NCBP3: variants seen among roughly 807,000 people sequenced by gnomAD.
NCBP3 encodes nuclear cap binding subunit 3, also known as nuclear cap-binding protein subunit 3.
NCBP3 carries 20 observed loss-of-function variants against 75.7 expected under a neutral mutation model. The observed-to-expected ratio is 0.26, with a 90% CI of 0.19 to 0.38. The LOEUF is 0.38. Ranked by LOEUF, NCBP3 falls within the 10% of genes least tolerant of loss-of-function variation. The pLI, the probability that NCBP3 is intolerant of heterozygous loss-of-function variation, is 1.00. For synonymous variants in NCBP3, 293 were observed against 290.5 expected, an observed-to-expected ratio of 1.01 and a Z score of -0.09; for missense variants, 678 against 796.9, an observed-to-expected ratio of 0.85 and a Z score of 1.80.
At chr17:3,836,222 G>C (rs1217631217) in intron 3 of NCBP3, among the ~76,000 whole-genome samples, 1 of 152,166 alleles carries the variant, frequency 6.6e-6, no homozygotes, top group Non-Finnish European at 1.5e-5. Flanking sequence ...CAAGAAGCTA[G>C]GTCACTTAAA....
At position 3,802,472 on chromosome 17, in the gene NCBP3, G is replaced by A. The variant is rs978510903; in HGVS notation, c.*10572C>T. 9 of 152,178 alleles carry A rather than the reference G, an allele frequency of 5.9e-5. No individual in the cohort carries two copies. The highest frequency in any genetic ancestry group is 1.2e-4 in the African/African-American group (5 of 41,448). 9.4% of individuals were successfully genotyped at this position (152,178 alleles called of 1,614,324 possible). On this transcript the variant is annotated 3_prime_UTR_variant, in exon 13 of 13. Coordinates refer to ENST00000389005, the MANE Select transcript of NCBP3 (RefSeq NM_001114118.3). ...CGGTTATGTGAGATTACAATTCACC[G>A]GTTTCCATCCTGTATGAAACAGAAG...
At chr17:3,824,444 G>A (rs2053741669) in intron 7 of NCBP3, 3 of 151,260 alleles carry the variant, frequency 2.0e-5, no homozygotes, top group South Asian at 2.1e-4. Flanking sequence ...ACATACACAT[G>A]CATACATACA....
intron 3 of NCBP3, among the ~76,000 whole-genome samples, chr17:3,839,486 T>C (rs1444773921): frequency 6.6e-6 from 1 of 152,172 alleles, no homozygotes; most frequent in Non-Finnish European, 1.5e-5. Flanking sequence ...TAGCTGAGAT[T>C]ACAGGCGCCA....
At position 3,812,367 on chromosome 17, in the gene NCBP3, G is replaced by T; in HGVS notation, c.*677C>A. On this transcript the variant is annotated 3_prime_UTR_variant, in exon 13 of 13. Coordinates refer to ENST00000389005, the MANE Select transcript of NCBP3 (RefSeq NM_001114118.3). ...CCAAATCCAGACGTCACAGTTTTTTGTTCCTAAAAATCCCACAGCACTGAA... is the reference window on the plus strand; with the variant it reads ...CCAAATCCAGACGTCACAGTTTTTTTTTCCTAAAAATCCCACAGCACTGAA... The T allele has an allele frequency of 2.9e-6, 1 of 339,406 alleles. No individual in the cohort carries two copies. Among genetic ancestry groups the T allele is most frequent in the Non-Finnish European group, 4.2e-6 (1 of 238,808 alleles). 21.0% of individuals were successfully genotyped at this position (339,406 alleles called of 1,614,324 possible). A position where few individuals can be genotyped will look rare whatever the true frequency, so the allele number is the denominator to read the frequency against.
In NCBP3 at chr17:3,813,825, G is replaced by A. The variant is rs569288947; in HGVS notation, c.1627+497C>T. Among the ~76,000 whole-genome samples, 8 of 151,938 alleles carry A rather than the reference G, an allele frequency of 5.3e-5. No homozygotes were observed. The East Asian group carries it at 1.4e-3, about 26-fold the overall frequency. ...GGTGCAGGCGCCCACCACCACGCCC[G>A]GCTCATTTTTGTGTTTTTAGTAGAG... On this transcript the variant is annotated intron_variant, in intron 12 of 12. Coordinates refer to ENST00000389005, the MANE Select transcript of NCBP3 (RefSeq NM_001114118.3).
Position 3,832,377 on chromosome 17 carries a change from T to G in NCBP3, c.356-3009A>C, listed in dbSNP as rs1221206425. 2.5e-5 allele frequency among the ~76,000 whole-genome samples: 3 copies of G among 120,408 alleles called. 1 individual carries two copies. Among genetic ancestry groups the G allele is most frequent in the Non-Finnish European group, 6.0e-5 (3 of 50,146 alleles). 79.0% of individuals were successfully genotyped at this position (120,408 alleles called of 152,430 possible). ...GGGCAGGCGCGGTGGCTCACGCCTG[T>G]AATCCCAGCACTTTGGGAGGCCGGG... On this transcript the variant is annotated intron_variant, in intron 3 of 12. Coordinates refer to ENST00000389005, the MANE Select transcript of NCBP3 (RefSeq NM_001114118.3).
rs539477522 is a variant in NCBP3 at position 3,817,025 on chromosome 17, A to G, written c.1311-755T>C. On this transcript the variant is annotated intron_variant, in intron 10 of 12. Coordinates refer to ENST00000389005, the MANE Select transcript of NCBP3 (RefSeq NM_001114118.3). The stretch of plus-strand genomic sequence containing the variant: ...ACTCCAGGCTGGGCGACAGAGCGAG[A>G]CTCCGTCTCAAAAAAAAAAAGAACG... Among the ~76,000 whole-genome samples the G allele has an allele frequency of 2.7e-5, 4 of 149,726 alleles. No individual in the cohort carries two copies. The East Asian group carries it at 5.8e-4, about 22-fold the overall frequency.
In NCBP3 at chr17:3,814,464, T is replaced by C; in HGVS notation, c.1485A>G (p.Gly495=). ...STKSDIRQRL[G]KRPHSPEKAF... The stretch of plus-strand genomic sequence containing the variant: ...CCTTTTCCGGAGAATGTGGTCTTTT[T>C]CCTAACCGCTGGCGTATATCTGAAA... The change falls in exon 12 of 13, where the codon GGA becomes GGG. Residue 495 remains glycine (G), a synonymous_variant. Coordinates refer to ENST00000389005, the MANE Select transcript of NCBP3 (RefSeq NM_001114118.3). The C allele has an allele frequency of 3.1e-6, 5 of 1,614,186 alleles. No homozygotes were observed. Among genetic ancestry groups the C allele is most frequent in the Non-Finnish European group, 4.2e-6 (5 of 1,180,036 alleles).
At chr17:3,844,693 A>G (rs2054128826) in intron 1 of NCBP3, among the ~76,000 whole-genome samples, 1 of 152,224 alleles carries the variant, frequency 6.6e-6, no homozygotes, top group Non-Finnish European at 1.5e-5. Context: ...TCTACTAAAA[A>G]TACAAAATTA....
At position 3,818,127 on chromosome 17, in the gene NCBP3, G is replaced by C. The variant is rs2053582934; in HGVS notation, c.1310+136C>G. The C allele has an allele frequency of 1.4e-6, 1 of 711,470 alleles. No individual in the cohort carries two copies. Among genetic ancestry groups the C allele is most frequent in the South Asian group, 2.3e-5 (1 of 42,888 alleles). The allele number at this position is 711,470 out of a possible 1,614,324, so 44.1% of individuals were successfully genotyped here. A position where few individuals can be genotyped will look rare whatever the true frequency, so the allele number is the denominator to read the frequency against. On this transcript the variant is annotated intron_variant, in intron 10 of 12. Coordinates refer to ENST00000389005, the MANE Select transcript of NCBP3 (RefSeq NM_001114118.3). This position sits in a 1 kb window ranked among gnomAD's most constrained non-coding sequence, Gnocchi z 4.7. ...TCACTGCTTGTATAGAGGAAATACT[G>C]GATGCGTTTATTAAACTCCTACAAG... is the stretch of plus-strand genomic sequence containing the variant.
chr17:3,832,628 C>G (rs375367406), intron 3 of NCBP3, among the ~76,000 whole-genome samples: 1 of 147,274 alleles, frequency 6.8e-6, no homozygotes, highest in East Asian at 2.0e-4. Flanking sequence ...GAGAGGCCAT[C>G]TCAAAAAAAA....
chr17:3,832,504 A>G (rs189930009), intron 3 of NCBP3, among the ~76,000 whole-genome samples: 12,760 of 79,232 alleles, frequency 0.16, 2,650 homozygotes, highest in African/African-American at 0.32. Context: ...GGTGGCAGGC[A>G]CCTGTAGTCC....
chr17:3,820,378 C>T (rs1263843464), intron 9 of NCBP3, among the ~76,000 whole-genome samples: 1 of 152,172 alleles, frequency 6.6e-6, no homozygotes, highest in Non-Finnish European at 1.5e-5. Context: ...ATTTTGTATG[C>T]TGACTTGACT....
At chr17:3,823,334 A>G (rs1056850132) in intron 7 of NCBP3, among the ~76,000 whole-genome samples, 1 of 152,130 alleles carries the variant, frequency 6.6e-6, no homozygotes, top group Non-Finnish European at 1.5e-5. Flanking sequence ...ACAGAGCAAC[A>G]CTCCGTCTCA....
chr17:3,814,421 C>A lies in NCBP3; in HGVS notation c.1528G>T (p.Val510Phe). 6.2e-7 allele frequency: 1 copy of A among 1,614,220 alleles called. No individual in the cohort carries two copies. Among genetic ancestry groups the A allele is most frequent in the Non-Finnish European group, 8.5e-7 (1 of 1,180,032 alleles). Residue 510 changes from valine (V) to phenylalanine (F), a missense_variant, in exon 12 of 13, where the codon GTC becomes TTC. This residue lies in a region of NCBP3 where 365 missense variants were observed against 392.7 expected (regional missense o/e 0.93). Transcript: ENST00000389005. The stretch of plus-strand genomic sequence containing the variant: ...TCAGAAGAGGGCTCTCTCCGAACGA[C>A]GGGGTTACTACTAAAAGCCTTTTCC... ...SPEKAFSSNPVVRREPSSDVH... is the reference protein window; with the variant it reads ...SPEKAFSSNPFVRREPSSDVH...
chr17:3,806,946 C>G lies in NCBP3; in HGVS notation c.*6098G>C, dbSNP rs2053343040. 2 of 152,236 alleles carry G rather than the reference C, an allele frequency of 1.3e-5. No homozygotes were observed. Among genetic ancestry groups the G allele is most frequent in the Admixed American group, 6.5e-5 (1 of 15,290 alleles). 9.4% of individuals were successfully genotyped at this position (152,236 alleles called of 1,614,324 possible). ...TTATTATAAGGTTTAAAAGCAATTACTGTACTTATGTATCGAACTTATTTG... is the reference window on the plus strand; with the variant it reads ...TTATTATAAGGTTTAAAAGCAATTAGTGTACTTATGTATCGAACTTATTTG... On this transcript the variant is annotated 3_prime_UTR_variant, in exon 13 of 13. Coordinates refer to ENST00000389005, the MANE Select transcript of NCBP3 (RefSeq NM_001114118.3).
chr17:3,830,235 G>A (rs2053854270), intron 3 of NCBP3, among the ~76,000 whole-genome samples: 1 of 152,134 alleles, frequency 6.6e-6, no homozygotes, highest in Non-Finnish European at 1.5e-5. Flanking sequence ...GTGGGCTCAC[G>A]AAGTAGCTCA....
intron 12 of NCBP3, among the ~76,000 whole-genome samples, chr17:3,813,563 C>T (rs2053466199): frequency 6.6e-6 from 1 of 152,214 alleles, no homozygotes; most frequent in Non-Finnish European, 1.5e-5. Context: ...GAGGCCGTTT[C>T]CTCCTACTCC....
chr17:3,842,998 G>T, intron 2 of NCBP3, 88 bp downstream of exon 2: 1 of 1,101,648 alleles, frequency 9.1e-7, no homozygotes, highest in Non-Finnish European at 1.3e-6. Flanking sequence ...AAATAAAAGA[G>T]GAAATATTTA....
Sources: allele counts gnomAD v4.1 joint callset (sites outside exome capture counted in the v4.1 genomes callset), GRCh38; gene constraint gnomAD v4.1.1; regional missense constraint gnomAD v4.1.1; non-coding constraint Gnocchi (gnomAD v3.1); transcripts MANE v1.5; gene names NCBI Gene and HGNC (gene_info 2026-07-23, HGNC 2026-07-21).